TULP4: variants seen among roughly 807,000 people sequenced by gnomAD.
TULP4 encodes TUB like protein 4, also known as tubby-related protein 4.
A neutral mutation model predicts 129.0 loss-of-function variants in TULP4; 16 were observed. The ratio of observed to expected loss-of-function variants is 0.12; its 90% CI spans 0.08 to 0.19. The LOEUF is 0.19. Ranked by LOEUF, TULP4 falls within the 10% of genes least tolerant of loss-of-function variation. TULP4 has a pLI of 1.00. For missense variants in TULP4, 1,842 were observed against 2,059.1 expected (o/e 0.89, Z 2.04); for synonymous variants, 998 against 854.0 (o/e 1.17, Z -2.94).
At chr6:158,394,615 C>T (rs1777661561) in intron 1 of TULP4, among the ~76,000 whole-genome samples, 1 of 151,342 alleles carries the variant, frequency 6.6e-6, no homozygotes, top group Non-Finnish European at 1.5e-5. Context: ...AACCCTGTCT[C>T]TACTAAAAAT....
chr6:158,242,962 T>C (rs978067852), intron 1 of TULP4, among the ~76,000 whole-genome samples: 1 of 152,142 alleles, frequency 6.6e-6, no homozygotes, highest in African/African-American at 2.4e-5. Context: ...ATTTTTTTGT[T>C]GTTTTTAGTA....
At chr6:158,489,282 A>C (rs1408959364) in intron 8 of TULP4, among the ~76,000 whole-genome samples, 1 of 152,234 alleles carries the variant, frequency 6.6e-6, no homozygotes, top group Non-Finnish European at 1.5e-5. Context: ...CCAGGTGGGC[A>C]CCTGTGTGTT....
rs1780494471 is a variant in TULP4 at position 158,502,871 on chromosome 6, C to T, written c.3208C>T (p.Leu1070Phe). ...SPLASQSSYS[L>F]LSPPDSARDR... ...GTTGGCCTCCCAGTCCTCCTACAGC[C>T]TCCTGAGCCCACCCGACAGCGCCCG... The change falls in exon 13 of 14, where the codon CTC becomes TTC. Residue 1070 changes from leucine to phenylalanine, a missense_variant. Physicochemically the swap from Leu to Phe is conservative, Grantham distance 22 (BLOSUM62 0). Around this residue, in one of 5 missense-constraint regions of TULP4, gnomAD observed 1,089 missense variants for 987.1 expected, o/e 1.10. Coordinates refer to ENST00000367097, the MANE Select transcript of TULP4 (RefSeq NM_020245.5). The T allele has an allele frequency of 1.2e-6, 2 of 1,613,794 alleles. No individual in the cohort carries two copies. Among genetic ancestry groups the T allele is most frequent in the Admixed American group, 1.7e-5 (1 of 60,012 alleles).
At chr6:158,234,046 G>A (rs1777644497) in intron 1 of TULP4, among the ~76,000 whole-genome samples, 1 of 152,216 alleles carries the variant, frequency 6.6e-6, no homozygotes, top group African/African-American at 2.4e-5. Flanking sequence ...CATGGAAGAT[G>A]ATTAGGAAGT....
intron 1 of TULP4, among the ~76,000 whole-genome samples, chr6:158,252,149 G>A (rs1276983338): frequency 6.6e-6 from 1 of 152,160 alleles, no homozygotes; most frequent in African/African-American, 2.4e-5. Flanking sequence ...GGAGTTTACT[G>A]TGTTACCTCT....
intron 1 of TULP4, among the ~76,000 whole-genome samples, chr6:158,349,966 C>T (rs1780464488): frequency 1.4e-5 from 2 of 145,752 alleles, no homozygotes; most frequent in Middle Eastern, 4.0e-3. Context: ...AGGCACTCCT[C>T]ACCTCCCAAA....
chr6:158,499,622 C>T (rs538258412), intron 12 of TULP4, among the ~76,000 whole-genome samples: 44 of 152,314 alleles, frequency 2.9e-4, no homozygotes, highest in Admixed American at 1.4e-3. Flanking sequence ...ACACAGACTC[C>T]TCTACTTCCA....
chr6:158,257,099 C>G (rs6910986), intron 1 of TULP4, among the ~76,000 whole-genome samples: 49,923 of 151,936 alleles, frequency 0.33, 9,169 homozygotes, highest in Admixed American at 0.45. Flanking sequence ...AGCCTGATCT[C>G]CAACCAGGTT....
chr6:158,491,472 T>TTTTC (rs201892013), intron 9 of TULP4, among the ~76,000 whole-genome samples: 416 of 39,358 alleles, frequency 0.011, 2 homozygotes, highest in African/African-American at 0.012. Flanking sequence ...TCTTTCTTTC[T>TTTTC]TTTCTTTCTT....
chr6:158,249,778 A>G (rs949804089), intron 1 of TULP4, among the ~76,000 whole-genome samples: 1 of 152,230 alleles, frequency 6.6e-6, no homozygotes, highest in Non-Finnish European at 1.5e-5. Flanking sequence ...TTTCTGGACC[A>G]TTAACAAGCT....
chr6:158,351,296 G>T (rs900840852), intron 1 of TULP4, among the ~76,000 whole-genome samples: 3 of 152,150 alleles, frequency 2.0e-5, no homozygotes, highest in Non-Finnish European at 2.9e-5. Context: ...CTGTGTAGCT[G>T]AGATGAGCAT....
chr6:158,308,568 G>A (rs1779261942), upstream of TULP4, among the ~76,000 whole-genome samples: 2 of 151,922 alleles, frequency 1.3e-5, no homozygotes, highest in African/African-American at 4.8e-5. Flanking sequence ...TCACTTCCCA[G>A]TAGGGGTGGC....
intron 1 of TULP4, among the ~76,000 whole-genome samples, chr6:158,359,887 C>T (rs1395973014): frequency 6.6e-6 from 1 of 152,176 alleles, no homozygotes; most frequent in African/African-American, 2.4e-5. Context: ...TTTCTGTGGG[C>T]CTGTCCCTGT....
At chr6:158,504,238 C>G (rs923691037) in intron 13 of TULP4, 60 bp downstream of exon 13, 2 of 1,349,696 alleles carry the variant, frequency 1.5e-6, no homozygotes, top group East Asian at 2.5e-5. Flanking sequence ...AGTGCTTCGG[C>G]CTTCAAGGAG....
At chr6:158,416,865 C>T (rs765998862) in intron 2 of TULP4, among the ~76,000 whole-genome samples, 2 of 152,126 alleles carry the variant, frequency 1.3e-5, no homozygotes, top group Non-Finnish European at 2.9e-5. Flanking sequence ...TGTATGTTGT[C>T]TATGTTTAGA....
At chr6:158,360,773 C>T (rs1205668451) in intron 1 of TULP4, among the ~76,000 whole-genome samples, 4 of 152,120 alleles carry the variant, frequency 2.6e-5, no homozygotes, top group Admixed American at 2.0e-4. Context: ...TGAAACCCTA[C>T]CCAATAAAGA....
intron 1 of TULP4, among the ~76,000 whole-genome samples, chr6:158,304,902 A>G (rs1370945884): frequency 2.0e-5 from 3 of 152,008 alleles, no homozygotes; most frequent in Non-Finnish European, 4.4e-5. Flanking sequence ...CCTAGGTTCA[A>G]GCCATCCTCC....
Position 158,502,705 on chromosome 6 carries a change from G to C in TULP4, c.3042G>C (p.Lys1014Asn). ...SPRAPLQPLA[K>N]SKGGPGGVVT... ...GGGCCCCCCTGCAGCCCCTGGCCAA[G>C]TCCAAGGGCGGGCCCGGGGGGGTGG... Residue 1014 changes from lysine to asparagine, a missense_variant, in exon 13 of 14, where the codon AAG (lysine) becomes AAC (asparagine). Physicochemically the swap from Lys to Asn is moderately conservative, Grantham distance 94 (BLOSUM62 0). This residue lies in a region of TULP4 where 1,089 missense variants were observed against 987.1 expected (regional missense o/e 1.10). Coordinates refer to ENST00000367097, the MANE Select transcript of TULP4 (RefSeq NM_020245.5). 6.4e-7 allele frequency: 1 copy of C among 1,560,682 alleles called. No individual in the cohort carries two copies. Among genetic ancestry groups the C allele is most frequent in the Non-Finnish European group, 8.6e-7 (1 of 1,158,416 alleles).
intron 1 of TULP4, among the ~76,000 whole-genome samples, chr6:158,347,679 C>T (rs1464137476): frequency 6.6e-6 from 1 of 152,238 alleles, no homozygotes; most frequent in African/African-American, 2.4e-5. Flanking sequence ...AAGCTTGCTC[C>T]TAGGGGCCTA....
Sources: gnomAD v4.1 joint callset for allele counts (sites outside exome capture counted in the v4.1 genomes callset) on GRCh38, gnomAD v4.1.1 for gene constraint, gnomAD v4.1.1 regional missense constraint, MANE v1.5 for transcripts, NCBI Gene and HGNC (gene_info 2026-07-23, HGNC 2026-07-21) for gene names.